Variants in HPD observed in about 807,000 individuals in gnomAD.
HPD encodes 4-hydroxyphenylpyruvic acid oxidase.
In HPD, 35 loss-of-function variants were observed where a neutral mutation model predicts 56.9. The ratio of observed to expected loss-of-function variants is 0.62; its 90% CI spans 0.47 to 0.82. HPD has a LOEUF of 0.82. HPD is among the 40% of genes least tolerant of loss of function. The pLI is 0.00. For synonymous variants in HPD, 186 were observed against 200.2 expected (o/e 0.93, Z 0.60); for missense variants, 442 against 506.8 (o/e 0.87, Z 1.23).
intron 6 of HPD, among the ~76,000 whole-genome samples, chr12:121,855,978 A>AAG (rs1877980625): frequency 6.6e-6 from 1 of 150,762 alleles, no homozygotes; most frequent in South Asian, 2.1e-4. Context: ...CTCACAAAAA[A>AAG]AAAAAAAAAA....
the HPD span, among the ~76,000 whole-genome samples, chr12:121,869,037 T>A: frequency 2.7e-5 from 4 of 148,310 alleles, no homozygotes; most frequent in Non-Finnish European, 6.0e-5. Context: ...TACAGGCATG[T>A]GCCACTGTGC....
chr12:121,844,010 G>C (rs1477254199), intron 11 of HPD, among the ~76,000 whole-genome samples, 178 bp from the exon 12 acceptor site: 1 of 152,022 alleles, frequency 6.6e-6, no homozygotes, highest in South Asian at 2.1e-4. Flanking sequence ...AACAACAACT[G>C]CTAGATTTAT....
Position 121,851,717 on chromosome 12 carries a change from T to A in HPD, c.415-1927A>T, listed in dbSNP as rs1250299015. Reference sequence around the variant, plus strand: ...TTTATTTATTTTTTTTTTTTTTTTTTTTTTTTTTTTGAGACGGAGTCTCGC... The same window carrying A: ...TTTATTTATTTTTTTTTTTTTTTTTATTTTTTTTTTGAGACGGAGTCTCGC... On this transcript the variant is annotated intron_variant, in intron 7 of 13. Transcript: ENST00000289004. Among the ~76,000 whole-genome samples the A allele has an allele frequency of 9.6e-4, 3 of 3,110 alleles. 1 individual carries two copies. The highest frequency in any genetic ancestry group is 1.8e-3 in the Non-Finnish European group (2 of 1,126). The allele number at this position is 3,110 out of a possible 152,430, so 2.0% of individuals were successfully genotyped here.
intron 6 of HPD, among the ~76,000 whole-genome samples, chr12:121,855,646 G>A (rs888114337): frequency 2.6e-5 from 4 of 151,964 alleles, no homozygotes; most frequent in Admixed American, 2.6e-4. Flanking sequence ...GAACCCAGGA[G>A]GTGGAGGTTG....
the HPD span, among the ~76,000 whole-genome samples, chr12:121,872,384 G>A: frequency 6.6e-6 from 1 of 151,680 alleles, no homozygotes; most frequent in Non-Finnish European, 1.5e-5. Context: ...CCCGCCACCA[G>A]GACCAGTTAG....
At chr12:121,881,885 A>T in the HPD span, among the ~76,000 whole-genome samples, 4 of 138,308 alleles carry the variant, frequency 2.9e-5, 1 homozygote, top group African/African-American at 9.8e-5. Context: ...TGACCTCATG[A>T]TCCGCCCACC....
At chr12:121,870,075 G>A in the HPD span, among the ~76,000 whole-genome samples, 1 of 151,222 alleles carries the variant, frequency 6.6e-6, no homozygotes, top group Non-Finnish European at 1.5e-5. Context: ...ACCACACCCA[G>A]CGTAAGCTGA....
chr12:121,876,008 G>C, the HPD span, among the ~76,000 whole-genome samples: 1 of 152,050 alleles, frequency 6.6e-6, no homozygotes, highest in African/African-American at 2.4e-5. Flanking sequence ...CTAAAACTTA[G>C]TAAAAATGAT....
chr12:121,842,071 G>C lies in HPD; in HGVS notation c.954+1639C>G, dbSNP rs553919243. Among the ~76,000 whole-genome samples, 9 of 152,160 alleles carry C rather than the reference G, an allele frequency of 5.9e-5. No individual in the cohort carries two copies. In the East Asian group the frequency reaches 1.4e-3, roughly 23 times the overall value. On this transcript the variant is annotated intron_variant, in intron 12 of 13. Coordinates refer to ENST00000289004, the MANE Select transcript of HPD (RefSeq NM_002150.3). ...ATGGTGCCTAGGGCTGGGGTGGGAGGGGGGAAGGGAACAGAGGGGGTTGGG... is the reference window on the plus strand; with the variant it reads ...ATGGTGCCTAGGGCTGGGGTGGGAGCGGGGAAGGGAACAGAGGGGGTTGGG...
the HPD span, among the ~76,000 whole-genome samples, chr12:121,877,853 T>C: frequency 6.6e-6 from 1 of 152,206 alleles, no homozygotes; most frequent in African/African-American, 2.4e-5. Flanking sequence ...TGTGGGTACA[T>C]GGGCCTGGTG....
chr12:121,855,321 C>T (rs913321325), intron 6 of HPD, among the ~76,000 whole-genome samples: 9 of 152,286 alleles, frequency 5.9e-5, no homozygotes, highest in Middle Eastern at 3.4e-3. Flanking sequence ...CGAAGTCACA[C>T]GGCTAAGATT....
intron 7 of HPD, among the ~76,000 whole-genome samples, chr12:121,850,371 G>C (rs1402369993): frequency 6.6e-6 from 1 of 150,780 alleles, no homozygotes; most frequent in Non-Finnish European, 1.5e-5. Flanking sequence ...AGCTTGCAGT[G>C]AGCAGAGATC....
At chr12:121,872,782 C>T in the HPD span, among the ~76,000 whole-genome samples, 2 of 151,762 alleles carry the variant, frequency 1.3e-5, no homozygotes, top group African/African-American at 2.4e-5. Context: ...AGTGGTGCTG[C>T]GGGGGCCAAC....
At chr12:121,884,501 C>A in the HPD span, among the ~76,000 whole-genome samples, 1 of 151,598 alleles carries the variant, frequency 6.6e-6, no homozygotes, top group South Asian at 2.1e-4. Flanking sequence ...AGACGTAAGT[C>A]TTGCTATATT....
chr12:121,862,255 T>C (rs1167358584), upstream of HPD, among the ~76,000 whole-genome samples: 3 of 151,878 alleles, frequency 2.0e-5, no homozygotes, highest in Non-Finnish European at 2.9e-5. Context: ...AGTTCCTCTC[T>C]AATGGGACCA....
upstream of HPD, among the ~76,000 whole-genome samples, chr12:121,867,426 T>C (rs997344698): frequency 1.3e-5 from 2 of 151,982 alleles, no homozygotes; most frequent in Non-Finnish European, 2.9e-5. Flanking sequence ...GTTTTTCTTT[T>C]CTTTTCTTTT....
chr12:121,839,588 T>G lies in HPD; in HGVS notation c.*140A>C, dbSNP rs1877334856. 7.2e-6 allele frequency: 5 copies of G among 689,816 alleles called. No individual in the cohort carries two copies. The highest frequency in any genetic ancestry group is 2.6e-6 in the Non-Finnish European group (1 of 383,720). The allele number at this position is 689,816 out of a possible 1,614,324, so 42.7% of individuals were successfully genotyped here. ...CAGAGGGCGGCCCCGCCGAGGGGCG[T>G]GGTCAGTGTGGGCGGAGCCTTGGGG... On this transcript the variant is annotated 3_prime_UTR_variant, in exon 14 of 14. Transcript: ENST00000289004.
rs568958751 is a variant in HPD at position 121,857,903 on chromosome 12, C to T, written c.31-84G>A. 4.6e-5 allele frequency: 46 copies of T among 1,004,366 alleles called. No individual in the cohort carries two copies. In the South Asian group the frequency reaches 6.1e-4, roughly 13 times the overall value. 62.2% of individuals were successfully genotyped at this position (1,004,366 alleles called of 1,614,324 possible). On this transcript the variant is annotated intron_variant, in intron 2 of 13. Transcript: ENST00000289004. ...GGTGGAGTGATGTCCCCTAGCCACC[C>T]TCCTTATTCCAGCCTCAACCACAGA...
chr12:121,843,717 G>A lies in HPD; in HGVS notation c.947C>T (p.Ala316Val), dbSNP rs1045034121. The stretch of plus-strand genomic sequence containing the variant: ...ATCCTGCCTGGGCCTCACCTCCAGG[G>A]CATCAATGTTCTCCTTCACCTTGAT... ...AKIKVKENIDALEELKILVDY... is the reference protein window; with the variant it reads ...AKIKVKENIDVLEELKILVDY... Residue 316 changes from alanine (A) to valine (V), a missense_variant, in exon 12 of 14, where the codon GCC becomes GTC. Physicochemically the swap from Ala to Val is moderately conservative, Grantham distance 64 (BLOSUM62 0). Transcript: ENST00000289004. 1.9e-6 allele frequency: 3 copies of A among 1,613,882 alleles called. No individual in the cohort carries two copies. Among genetic ancestry groups the A allele is most frequent in the African/African-American group, 2.7e-5 (2 of 74,892 alleles).
Sources: allele counts gnomAD v4.1 joint callset (sites outside exome capture counted in the v4.1 genomes callset), GRCh38; gene constraint gnomAD v4.1.1; transcripts MANE v1.5; gene names NCBI Gene and HGNC (gene_info 2026-07-23, HGNC 2026-07-21).